The following JAZF1 variants were observed in gnomAD, a reference collection of about 807,000 sequenced individuals.
The protein encoded by JAZF1 is JAZF zinc finger 1.
In JAZF1, 8 loss-of-function variants were observed where a neutral mutation model predicts 26.4. That is an observed-to-expected ratio of 0.30 (90% CI 0.18 to 0.55). JAZF1 has a LOEUF of 0.55. JAZF1 is among the 20% of genes least tolerant of loss of function. The pLI, the probability that JAZF1 is intolerant of heterozygous loss-of-function variation, is 0.94. For synonymous variants in JAZF1, 126 were observed against 122.3 expected (o/e 1.03, Z -0.20); for missense variants, 199 against 322.0 (o/e 0.62, Z 2.92).
At chr7:28,121,777 C>G (rs954787802) in intron 1 of JAZF1, among the ~76,000 whole-genome samples, 3 of 152,186 alleles carry the variant, frequency 2.0e-5, no homozygotes, top group African/African-American at 7.2e-5. Context: ...CCATGTTGAC[C>G]AAGTTAGACA....
At chr7:28,014,835 T>C (rs1256169339) in intron 1 of JAZF1, among the ~76,000 whole-genome samples, 1 of 152,160 alleles carries the variant, frequency 6.6e-6, no homozygotes, top group East Asian at 1.9e-4. Context: ...AACAGGAAAC[T>C]ATGTTCTCTG....
intron 2 of JAZF1, among the ~76,000 whole-genome samples, chr7:27,945,873 G>A (rs1784918541): frequency 6.6e-6 from 1 of 152,080 alleles, no homozygotes. Flanking sequence ...TCTTCATCCT[G>A]CAGACAGAAT....
chr7:28,093,992 TG>T (rs1475018371), intron 1 of JAZF1, among the ~76,000 whole-genome samples: 1 of 152,250 alleles, frequency 6.6e-6, no homozygotes, highest in Admixed American at 6.5e-5. Flanking sequence ...TCGCAAAGCT[TG>T]GAACTTAGAT....
chr7:27,861,990 G>A (rs768100017), intron 3 of JAZF1, among the ~76,000 whole-genome samples: 1 of 152,176 alleles, frequency 6.6e-6, no homozygotes, highest in Non-Finnish European at 1.5e-5. Flanking sequence ...CTGCCTGGCA[G>A]CTCTGGTTCA....
intron 1 of JAZF1, among the ~76,000 whole-genome samples, chr7:28,139,181 G>A (rs1201439421): frequency 6.6e-6 from 1 of 152,096 alleles, no homozygotes; most frequent in Non-Finnish European, 1.5e-5. Context: ...GACCTCAAGG[G>A]CCATCAACCC....
At chr7:28,125,264 C>T (rs1468297833) in intron 1 of JAZF1, among the ~76,000 whole-genome samples, 1 of 151,848 alleles carries the variant, frequency 6.6e-6, no homozygotes, top group African/African-American at 2.4e-5. Context: ...AGTTTTCCCC[C>T]CTAAAGCATT....
chr7:28,105,439 G>A (rs1784536152), intron 1 of JAZF1, among the ~76,000 whole-genome samples: 1 of 152,212 alleles, frequency 6.6e-6, no homozygotes, highest in African/African-American at 2.4e-5. Flanking sequence ...CGGTTTTCGA[G>A]TGGATAAAAC....
chr7:28,164,192 C>T (rs1308011701), intron 1 of JAZF1, among the ~76,000 whole-genome samples: 1 of 152,234 alleles, frequency 6.6e-6, no homozygotes, highest in East Asian at 1.9e-4. Context: ...AGCCACCCAG[C>T]TGAACCCAGC....
intron 2 of JAZF1, among the ~76,000 whole-genome samples, chr7:27,983,775 AAG>A (rs2128362904): frequency 6.6e-6 from 1 of 152,374 alleles, no homozygotes; most frequent in African/African-American, 2.4e-5. Context: ...TGCAAGCCAG[AAG>A]AGAGTGGGGG....
In JAZF1 at chr7:28,034,230, G is replaced by A. The variant is rs189812005; in HGVS notation, c.116-42249C>T. On this transcript the variant is annotated intron_variant, in intron 1 of 4. Coordinates refer to ENST00000283928, the MANE Select transcript of JAZF1 (RefSeq NM_175061.4). ...CACACACACACACGAAGTTTAAGTA[G>A]AACCTTACTTAAGCAATTTGAGTCA... Among the ~76,000 whole-genome samples the A allele has an allele frequency of 2.7e-5, 4 of 146,736 alleles. No homozygotes were observed. The Admixed American group carries it at 2.7e-4, about 10-fold the overall frequency.
chr7:27,895,355 G>C lies in JAZF1; in HGVS notation c.250C>G (p.Leu84Val). ...ACTGAGCTGGACAGAGTCAGCGAGAGCTTCGGCTGAATCTTCTTCTTTAGG... is the reference window on the plus strand; with the variant it reads ...ACTGAGCTGGACAGAGTCAGCGAGACCTTCGGCTGAATCTTCTTCTTTAGG... ...ESLKKKIQPK[L>V]SLTLSSSVSR... Residue 84 changes from leucine to valine, a missense_variant, in exon 3 of 5, where the codon CTC becomes GTC. This residue lies in a region of JAZF1 where 137 missense variants were observed against 184.8 expected (regional missense o/e 0.74). Coordinates refer to ENST00000283928, the MANE Select transcript of JAZF1 (RefSeq NM_175061.4). 2 of 1,609,476 alleles carry C rather than the reference G, an allele frequency of 1.2e-6. No individual in the cohort carries two copies. Among genetic ancestry groups the C allele is most frequent in the Non-Finnish European group, 1.7e-6 (2 of 1,178,012 alleles).
Position 27,980,065 on chromosome 7 carries a change from T to C in JAZF1, c.188+11844A>G, listed in dbSNP as rs544791397. Among the ~76,000 whole-genome samples, 3 of 152,310 alleles carry C rather than the reference T, an allele frequency of 2.0e-5. No homozygotes were observed. The South Asian group carries it at 6.2e-4, about 32-fold the overall frequency. ...TCTGCCCAGGTGTCCTACCCTATTT[T>C]TCCAATATTAGATACTTTTTCAAAT... On this transcript the variant is annotated intron_variant, in intron 2 of 4. Coordinates refer to ENST00000283928, the MANE Select transcript of JAZF1 (RefSeq NM_175061.4).
intron 1 of JAZF1, among the ~76,000 whole-genome samples, chr7:28,025,164 C>G (rs1247920288): frequency 3.9e-5 from 6 of 152,334 alleles, no homozygotes; most frequent in African/African-American, 1.4e-4. Context: ...CTTAGTCACA[C>G]TCTTCCCCTC....
At position 27,840,680 on chromosome 7, in the gene JAZF1, A is replaced by T. The variant is rs776481198; in HGVS notation, c.555+18T>A. Reference sequence around the variant, plus strand: ...CTGTTTCCATGTGGTTATGCCAAGCATGCAGCACCTCTGTTACCTTGTATC... The same window carrying T: ...CTGTTTCCATGTGGTTATGCCAAGCTTGCAGCACCTCTGTTACCTTGTATC... On this transcript the variant is annotated intron_variant, in intron 4 of 4. Coordinates refer to ENST00000283928, the MANE Select transcript of JAZF1 (RefSeq NM_175061.4). This position sits in a 1 kb window ranked among gnomAD's most constrained non-coding sequence, Gnocchi z 5.1. The T allele has an allele frequency of 6.8e-6, 11 of 1,613,076 alleles. No homozygotes were observed. Among genetic ancestry groups the T allele is most frequent in the Non-Finnish European group, 8.5e-6 (10 of 1,179,486 alleles).
chr7:27,884,703 C>T (rs1783828829), intron 3 of JAZF1, among the ~76,000 whole-genome samples: 1 of 152,166 alleles, frequency 6.6e-6, no homozygotes, highest in Non-Finnish European at 1.5e-5. Context: ...CTTTTTATTG[C>T]TAAATTATAC....
chr7:28,120,138 A>T (rs1216481953), intron 1 of JAZF1, among the ~76,000 whole-genome samples: 1 of 151,220 alleles, frequency 6.6e-6, no homozygotes, highest in Non-Finnish European at 1.5e-5. Flanking sequence ...CACTTATCTT[A>T]TCTTGTAAAA....
At chr7:27,903,036 A>G (rs1015052125) in intron 2 of JAZF1, among the ~76,000 whole-genome samples, 2 of 151,470 alleles carry the variant, frequency 1.3e-5, no homozygotes, top group African/African-American at 4.8e-5. Context: ...AAAAAAAAAA[A>G]AAGAAGTGAC....
intron 1 of JAZF1, among the ~76,000 whole-genome samples, chr7:28,152,259 C>G (rs1783121991): frequency 6.6e-6 from 1 of 152,190 alleles, no homozygotes. Context: ...AAACTTTGCT[C>G]TATACGATTT....
At chr7:27,988,686 A>C (rs1785816071) in intron 2 of JAZF1, among the ~76,000 whole-genome samples, 1 of 152,130 alleles carries the variant, frequency 6.6e-6, no homozygotes, top group East Asian at 1.9e-4. Flanking sequence ...CCAATGTCAT[A>C]GGTAAAAAAA....
Sources: allele counts gnomAD v4.1 joint callset (sites outside exome capture counted in the v4.1 genomes callset), GRCh38; gene constraint gnomAD v4.1.1; regional missense constraint gnomAD v4.1.1; non-coding constraint Gnocchi (gnomAD v3.1); transcripts MANE v1.5; gene names NCBI Gene and HGNC (gene_info 2026-07-23, HGNC 2026-07-21).